The following SUCLG2 variants were observed in gnomAD, a reference collection of about 807,000 sequenced individuals.
SUCLG2 encodes succinate-CoA ligase GDP-forming subunit beta.
SUCLG2 carries 42 observed loss-of-function variants against 47.9 expected under a neutral mutation model. The ratio of observed to expected loss-of-function variants is 0.88; its 90% confidence interval spans 0.69 to 1.14. SUCLG2 has a LOEUF of 1.14. Ranked by LOEUF, SUCLG2 falls within the 50% of genes most tolerant of loss-of-function variation. The pLI is 0.00. For missense variants in SUCLG2, 571 were observed against 525.9 expected (o/e 1.09, Z -0.84); for synonymous variants, 195 against 197.3 (o/e 0.99, Z 0.10).
chr3:67,494,017 C>G (rs1195905160), intron 9 of SUCLG2, among the ~76,000 whole-genome samples: 1 of 152,144 alleles, frequency 6.6e-6, no homozygotes, highest in Non-Finnish European at 1.5e-5. Context: ...CTAATAATAC[C>G]TTGCCGTCTG....
chr3:67,530,066 T>C (rs994406794), intron 2 of SUCLG2, among the ~76,000 whole-genome samples: 1 of 152,200 alleles, frequency 6.6e-6, no homozygotes, highest in African/African-American at 2.4e-5. Context: ...CCACAGCTGA[T>C]ATCCTCTGTT....
chr3:67,592,001 TATTG>T (rs1194193422), intron 2 of SUCLG2, among the ~76,000 whole-genome samples: 3 of 152,216 alleles, frequency 2.0e-5, no homozygotes, highest in Non-Finnish European at 2.9e-5. Context: ...TTGTCTTTTG[TATTG>T]ATTGATTTCC....
chr3:67,449,650 CTG>C, intron 9 of SUCLG2, among the ~76,000 whole-genome samples: 1 of 151,614 alleles, frequency 6.6e-6, no homozygotes, highest in South Asian at 2.1e-4. Flanking sequence ...TAGTCTCACT[CTG>C]TTGCCCAGGC....
chr3:67,437,490 CA>C (rs2106902042), intron 9 of SUCLG2, among the ~76,000 whole-genome samples: 1 of 152,270 alleles, frequency 6.6e-6, no homozygotes, highest in South Asian at 2.1e-4. Context: ...GGATACATCC[CA>C]CTTGGTAATA....
intron 2 of SUCLG2, among the ~76,000 whole-genome samples, chr3:67,538,595 GA>G (rs1312062235): frequency 6.6e-6 from 1 of 152,204 alleles, no homozygotes; most frequent in Non-Finnish European, 1.5e-5. Context: ...ATTCTCTGAA[GA>G]AAGTCAATGG....
At chr3:67,368,798 G>A (rs1701909773) in intron 10 of SUCLG2, among the ~76,000 whole-genome samples, 1 of 152,002 alleles carries the variant, frequency 6.6e-6, no homozygotes, top group Non-Finnish European at 1.5e-5. Context: ...TAGAGGAGGG[G>A]TTTCACCATG....
At chr3:67,643,915 G>A (rs1209966153) in intron 1 of SUCLG2, among the ~76,000 whole-genome samples, 2 of 152,194 alleles carry the variant, frequency 1.3e-5, no homozygotes, top group Non-Finnish European at 2.9e-5. Flanking sequence ...GACCTCAGGT[G>A]ATCCACCCAC....
intron 1 of SUCLG2, among the ~76,000 whole-genome samples, chr3:67,645,020 C>A (rs1701166666): frequency 6.6e-6 from 1 of 152,140 alleles, no homozygotes; most frequent in African/African-American, 2.4e-5. Flanking sequence ...GACAACACAT[C>A]TTCAAGAAAG....
chr3:67,502,296 A>G (rs1457049564), intron 7 of SUCLG2, among the ~76,000 whole-genome samples: 1 of 152,254 alleles, frequency 6.6e-6, no homozygotes, highest in Non-Finnish European at 1.5e-5. Context: ...CCTATTATAC[A>G]TAGTACCAAA....
chr3:67,586,350 G>A (rs1708019436), intron 2 of SUCLG2, among the ~76,000 whole-genome samples: 1 of 152,126 alleles, frequency 6.6e-6, no homozygotes, highest in Non-Finnish European at 1.5e-5. Context: ...GTAAGCTCCT[G>A]GAACAACCTA....
intron 9 of SUCLG2, among the ~76,000 whole-genome samples, chr3:67,426,917 C>T (rs1385226915): frequency 6.6e-6 from 1 of 152,072 alleles, no homozygotes; most frequent in Non-Finnish European, 1.5e-5. Flanking sequence ...CAGAGCAAGA[C>T]TCCATCTCAA....
Position 67,565,524 on chromosome 3 carries a change from G to GT in SUCLG2, c.227-36339dup, listed in dbSNP as rs533004520. Among the ~76,000 whole-genome samples, 66 of 152,306 alleles carry GT rather than the reference G, an allele frequency of 4.3e-4. No individual in the cohort carries two copies. The Middle Eastern group carries it at 0.01, about 24-fold the overall frequency. On this transcript the variant is annotated intron_variant, in intron 2 of 10. Transcript: ENST00000307227. ...GGCCACTGGCTTAAGTACAAACTGT[G>GT]TAACATTGGCATATAAACAAATACC...
At chr3:67,579,998 A>AC (rs1275513008) in intron 2 of SUCLG2, among the ~76,000 whole-genome samples, 3 of 152,204 alleles carry the variant, frequency 2.0e-5, no homozygotes, top group Non-Finnish European at 2.9e-5. Flanking sequence ...GTCAACAAAA[A>AC]GAAAAAAATA....
intron 10 of SUCLG2, among the ~76,000 whole-genome samples, chr3:67,382,265 A>G (rs1047512340): frequency 6.6e-6 from 1 of 152,224 alleles, no homozygotes; most frequent in Non-Finnish European, 1.5e-5. Flanking sequence ...AGGAGAGGCA[A>G]CAAAAACACT....
At chr3:67,625,836 T>C (rs1019559119) in intron 1 of SUCLG2, among the ~76,000 whole-genome samples, 3 of 152,090 alleles carry the variant, frequency 2.0e-5, no homozygotes, top group African/African-American at 7.2e-5. Flanking sequence ...AATGTAAGAC[T>C]GGACCAAGCT....
intron 2 of SUCLG2, among the ~76,000 whole-genome samples, chr3:67,545,449 A>G (rs1456644092): frequency 1.3e-5 from 2 of 152,148 alleles, no homozygotes; most frequent in African/African-American, 4.8e-5. Flanking sequence ...TTCAAATTGC[A>G]CTGAGTTTTA....
chr3:67,515,945 C>T (rs1705932674), intron 6 of SUCLG2, among the ~76,000 whole-genome samples: 2 of 152,124 alleles, frequency 1.3e-5, no homozygotes, highest in South Asian at 4.1e-4. Context: ...CCTCTCTCTC[C>T]CTCTGCCCGC....
At chr3:67,547,302 ATTTCTGTTGTT>A (rs1706892009) in intron 2 of SUCLG2, among the ~76,000 whole-genome samples, 3 of 152,154 alleles carry the variant, frequency 2.0e-5, no homozygotes, top group African/African-American at 7.2e-5. Flanking sequence ...TGAGAAACAA[ATTTCTGTTGTT>A]TATAGGCCAC....
intron 1 of SUCLG2, among the ~76,000 whole-genome samples, chr3:67,640,206 T>C (rs1347403672): frequency 6.6e-6 from 1 of 152,190 alleles, no homozygotes; most frequent in Non-Finnish European, 1.5e-5. Flanking sequence ...GGATGCTGCA[T>C]CCCTGCGTTA....
Sources: allele counts gnomAD v4.1 joint callset (sites outside exome capture counted in the v4.1 genomes callset), GRCh38; gene constraint gnomAD v4.1.1; transcripts MANE v1.5; gene names NCBI Gene and HGNC (gene_info 2026-07-23, HGNC 2026-07-21).